Variants in ROR2 observed in about 807,000 individuals in gnomAD.
ROR2 encodes ROR family WNT receptor 2.
ROR2 carries 33 observed loss-of-function variants against 74.9 expected under a neutral mutation model. That is an observed-to-expected ratio of 0.44 (90% CI 0.33 to 0.59). The LOEUF (loss-of-function observed/expected upper bound fraction) is 0.59. Ranked by LOEUF, ROR2 falls within the 20% of genes least tolerant of loss-of-function variation. The pLI is 0.02. For missense variants in ROR2, 1,216 were observed against 1,313.8 expected, an observed-to-expected ratio of 0.93 and a Z score of 1.15; for synonymous variants, 586 against 558.7, an observed-to-expected ratio of 1.05 and a Z score of -0.69.
chr9:91,774,102 G>A (rs1469850439), intron 2 of ROR2, among the ~76,000 whole-genome samples: 1 of 152,242 alleles, frequency 6.6e-6, no homozygotes, highest in East Asian at 1.9e-4. Context: ...TGAGAAAGAA[G>A]TTGAGAATCT....
Position 91,887,561 on chromosome 9 carries a change from C to A in ROR2, c.97+62306G>T, listed in dbSNP as rs141270743. Among the ~76,000 whole-genome samples, 9 of 152,238 alleles carry A rather than the reference C, an allele frequency of 5.9e-5. No homozygotes were observed. The East Asian group carries it at 1.7e-3, about 29-fold the overall frequency. ...TGTGGGTGAACATTTGGGTTACTTG[C>A]AGTTTTTGCAAATTCCAAAGCTGTT... On this transcript the variant is annotated intron_variant, in intron 1 of 8. Coordinates refer to ENST00000375708, the MANE Select transcript of ROR2 (RefSeq NM_004560.4).
rs147441352 is a variant in ROR2 at position 91,726,782 on chromosome 9, T to A, written c.1184-39A>T. On this transcript the variant is annotated intron_variant, in intron 7 of 8. Coordinates refer to ENST00000375708, the MANE Select transcript of ROR2 (RefSeq NM_004560.4). ...GGCTTTCGTGATTTTTCAGAAAACATCCCTTTTCTACTCTAAGTTCTCTAC... is the reference window on the plus strand; with the variant it reads ...GGCTTTCGTGATTTTTCAGAAAACAACCCTTTTCTACTCTAAGTTCTCTAC... The A allele has an allele frequency of 1.6e-3, 2,601 of 1,598,732 alleles. 6 individuals are homozygous for A. The highest frequency in any genetic ancestry group is 3.5e-3 in the South Asian group (313 of 90,608).
chr9:91,862,747 A>G (rs997834062), intron 1 of ROR2, among the ~76,000 whole-genome samples: 3 of 152,228 alleles, frequency 2.0e-5, no homozygotes, highest in African/African-American at 7.2e-5. Flanking sequence ...GCAGCCCTGA[A>G]ATCTTCCAGC....
chr9:91,775,925 T>A, intron 1 of ROR2, 107 bp from the exon 2 acceptor site: 1 of 891,786 alleles, frequency 1.1e-6, no homozygotes, highest in South Asian at 1.4e-5. Flanking sequence ...TACCCAGTAT[T>A]TGTAGAAAAC....
chr9:91,838,914 A>G (rs1282482699), intron 1 of ROR2, among the ~76,000 whole-genome samples: 8 of 152,232 alleles, frequency 5.3e-5, no homozygotes, highest in African/African-American at 1.9e-4. Context: ...TTCAGCAGAA[A>G]CTAGAGAGAA....
chr9:91,902,052 C>T (rs1830690330), intron 1 of ROR2, among the ~76,000 whole-genome samples: 1 of 152,072 alleles, frequency 6.6e-6, no homozygotes, highest in Non-Finnish European at 1.5e-5. Flanking sequence ...CAACGGTTAA[C>T]ATTCCTATTT....
chr9:91,826,788 AAAAAAAG>A (rs536366542), intron 1 of ROR2, among the ~76,000 whole-genome samples: 10,507 of 149,494 alleles, frequency 0.07, 466 homozygotes, highest in African/African-American at 0.13. Flanking sequence ...CGTCTCAAAA[AAAAAAAG>A]AAAAAAGAAA....
chr9:91,886,310 A>G (rs1448700778), intron 1 of ROR2, among the ~76,000 whole-genome samples: 1 of 152,168 alleles, frequency 6.6e-6, no homozygotes. Flanking sequence ...GGGACCCACC[A>G]GGGCCATCAT....
chr9:91,803,353 C>T (rs538435707), intron 1 of ROR2, among the ~76,000 whole-genome samples: 18 of 152,310 alleles, frequency 1.2e-4, no homozygotes, highest in Admixed American at 1.1e-3. Flanking sequence ...CCAGAGCAAT[C>T]AAATCCACAG....
rs1174894229 is a variant in ROR2 at position 91,757,480 on chromosome 9, C to T, written c.255G>A (p.Val85=). ...GCACGTTAGGGGGTGGGTTTCCTGC[C>T]ACCTTGCAGTGCAGAATTGCCGTCT... ...QGQTAILHCK[V]AGNPPPNVRW... is the part of the protein sequence containing the mutation. The change falls in exon 3 of 9, where the codon GTG becomes GTA. Residue 85 remains valine, a synonymous_variant. Transcript: ENST00000375708. The T allele has an allele frequency of 6.2e-7, 1 of 1,613,810 alleles. No individual in the cohort carries two copies. The highest frequency in any genetic ancestry group is 2.2e-5 in the East Asian group (1 of 44,872).
At chr9:91,946,098 T>G (rs1392708879) in intron 1 of ROR2, among the ~76,000 whole-genome samples, 1 of 152,140 alleles carries the variant, frequency 6.6e-6, no homozygotes, top group African/African-American at 2.4e-5. Flanking sequence ...TGAGAAGTAA[T>G]GTTTTCAAAG....
chr9:91,902,936 G>A (rs1247389860), intron 1 of ROR2, among the ~76,000 whole-genome samples: 1 of 152,060 alleles, frequency 6.6e-6, no homozygotes, highest in East Asian at 1.9e-4. Context: ...AGAATCGGTG[G>A]CTGCCAGGGT....
At chr9:91,944,761 T>C (rs1468363952) in intron 1 of ROR2, among the ~76,000 whole-genome samples, 1 of 151,454 alleles carries the variant, frequency 6.6e-6, no homozygotes, top group Middle Eastern at 3.2e-3. Flanking sequence ...AGGAAGACAA[T>C]ACTGTTAAGA....
chr9:91,778,967 A>C (rs891889983), intron 1 of ROR2, among the ~76,000 whole-genome samples: 3 of 152,238 alleles, frequency 2.0e-5, no homozygotes, highest in African/African-American at 7.2e-5. Flanking sequence ...GAAATGACAC[A>C]TTCAATATCT....
At chr9:91,731,244 C>A (rs1317494556) in intron 6 of ROR2, 89 bp from the exon 7 acceptor site, 13 of 1,577,906 alleles carry the variant, frequency 8.2e-6, no homozygotes, top group Non-Finnish European at 1.1e-5. Flanking sequence ...TCCAAAAGAT[C>A]CAAGGATTTT....
chr9:91,807,758 T>C (rs1827614441), intron 1 of ROR2, among the ~76,000 whole-genome samples: 1 of 152,014 alleles, frequency 6.6e-6, no homozygotes, highest in Non-Finnish European at 1.5e-5. Context: ...TCTATGTTGG[T>C]GATTGTTGCT....
In ROR2 at chr9:91,723,950, C is replaced by T. The variant is rs754605230; in HGVS notation, c.2544G>A (p.Pro848=). The T allele has an allele frequency of 2.2e-5, 36 of 1,613,300 alleles. No individual in the cohort carries two copies. The highest frequency in any genetic ancestry group is 4.4e-5 in the South Asian group (4 of 91,088). ...YPVQIPMQMA[P]QQVPPQMVPK... is the part of the protein sequence containing the mutation. ...GGACCATCTGAGGAGGCACCTGCTG[C>T]GGGGCCATCTGCATTGGGATCTGCA... The change falls in exon 9 of 9, where the codon CCG becomes CCA. Residue 848 remains proline, a synonymous_variant. Coordinates refer to ENST00000375708, the MANE Select transcript of ROR2 (RefSeq NM_004560.4).
At chr9:91,928,733 G>C (rs376281558) in intron 1 of ROR2, among the ~76,000 whole-genome samples, 2 of 152,112 alleles carry the variant, frequency 1.3e-5, no homozygotes, top group East Asian at 1.9e-4. Flanking sequence ...TAAAAAGCAG[G>C]GCAGATCCTG....
intron 4 of ROR2, among the ~76,000 whole-genome samples, chr9:91,749,014 G>A (rs942074503): frequency 6.6e-6 from 1 of 152,102 alleles, no homozygotes; most frequent in African/African-American, 2.4e-5. Flanking sequence ...CAACAAGAGC[G>A]AAACTCCGTC....
Sources: allele counts gnomAD v4.1 joint callset (sites outside exome capture counted in the v4.1 genomes callset), GRCh38; gene constraint gnomAD v4.1.1; transcripts MANE v1.5; gene names NCBI Gene and HGNC (gene_info 2026-07-23, HGNC 2026-07-21).